Variants in KCNN2 observed in about 807,000 individuals in gnomAD.
The protein encoded by KCNN2 is potassium calcium-activated channel subfamily N member 2.
A neutral mutation model predicts 55.5 loss-of-function variants in KCNN2; 24 were observed. The observed-to-expected ratio is 0.43, with a 90% CI of 0.31 to 0.61. KCNN2 has a LOEUF of 0.61. KCNN2 is among the 20% of genes least tolerant of loss of function. The pLI is 0.08. For missense variants in KCNN2, 754 were observed against 853.6 expected (o/e 0.88, Z 1.45); for synonymous variants, 431 against 336.1 (o/e 1.28, Z -3.09).
At chr5:114,064,657 G>T (rs1033453394) in intron 1 of KCNN2, among the ~76,000 whole-genome samples, 2 of 152,166 alleles carry the variant, frequency 1.3e-5, no homozygotes. Context: ...GCTTTGGGTA[G>T]CATGTTATGG....
chr5:114,130,066 A>G (rs1190401949), intron 1 of KCNN2, among the ~76,000 whole-genome samples: 1 of 152,224 alleles, frequency 6.6e-6, no homozygotes, highest in Non-Finnish European at 1.5e-5. Context: ...CCTATGGAAC[A>G]TCACCTTCCT....
intron 2 of KCNN2, among the ~76,000 whole-genome samples, chr5:114,283,307 C>A (rs1755661639): frequency 6.6e-6 from 1 of 152,056 alleles, no homozygotes. Context: ...TTAATTTTCT[C>A]TTGACCGGTG....
chr5:114,072,834 A>G (rs188561024), intron 1 of KCNN2, among the ~76,000 whole-genome samples: 1 of 152,346 alleles, frequency 6.6e-6, no homozygotes, highest in Non-Finnish European at 1.5e-5. Context: ...TAAGGTAGCT[A>G]TGAATATTAA....
chr5:114,373,653 T>TAC (rs1757839495), intron 2 of KCNN2, among the ~76,000 whole-genome samples: 2 of 114,712 alleles, frequency 1.7e-5, no homozygotes, highest in Non-Finnish European at 3.7e-5. Context: ...TATATATATA[T>TAC]ATATAAAATT....
intron 1 of KCNN2, among the ~76,000 whole-genome samples, chr5:114,151,876 G>A (rs1162474155): frequency 1.3e-5 from 2 of 152,172 alleles, no homozygotes; most frequent in African/African-American, 4.8e-5. Context: ...AATAGGAAAT[G>A]AAAATATGAA....
At chr5:114,110,265 A>G (rs1751570840) in intron 1 of KCNN2, among the ~76,000 whole-genome samples, 1 of 152,030 alleles carries the variant, frequency 6.6e-6, no homozygotes, top group Non-Finnish European at 1.5e-5. Context: ...TAGCAATATA[A>G]AGAAATGGGT....
chr5:114,276,562 T>C (rs544860958), intron 2 of KCNN2, among the ~76,000 whole-genome samples: 1 of 152,278 alleles, frequency 6.6e-6, no homozygotes, highest in East Asian at 1.9e-4. Flanking sequence ...TTTGTTGAAT[T>C]GATCCCTTTA....
At chr5:114,083,595 T>A (rs1313323928) in intron 1 of KCNN2, among the ~76,000 whole-genome samples, 1 of 152,130 alleles carries the variant, frequency 6.6e-6, no homozygotes, top group Non-Finnish European at 1.5e-5. Flanking sequence ...GGAGTTCCCA[T>A]GTACCTCGTC....
intron 1 of KCNN2, among the ~76,000 whole-genome samples, chr5:114,215,638 A>G (rs1376878947): frequency 6.6e-6 from 1 of 152,160 alleles, no homozygotes; most frequent in Admixed American, 6.6e-5. Flanking sequence ...CTCTCTGCAC[A>G]TCGAAATTTT....
chr5:114,260,916 T>C (rs1042118696), intron 2 of KCNN2, among the ~76,000 whole-genome samples: 6 of 152,150 alleles, frequency 3.9e-5, no homozygotes, highest in African/African-American at 1.4e-4. Context: ...CCAGGTGAGA[T>C]TGGGGAGCAG....
At chr5:114,334,736 A>G (rs1201671488) in intron 2 of KCNN2, among the ~76,000 whole-genome samples, 1 of 152,162 alleles carries the variant, frequency 6.6e-6, no homozygotes, top group African/African-American at 2.4e-5. Context: ...TACTAATACT[A>G]TGTATTTAAT....
chr5:114,244,313 TAAAA>T (rs1247710907), intron 2 of KCNN2, among the ~76,000 whole-genome samples: 2 of 137,534 alleles, frequency 1.5e-5, no homozygotes, highest in South Asian at 5.1e-4. Context: ...CTTGTTTATT[TAAAA>T]AAAAAGAGGC....
At chr5:114,463,216 C>G (rs1467970202) in intron 4 of KCNN2, 26 bp downstream of exon 4, 7 of 1,588,702 alleles carry the variant, frequency 4.4e-6, no homozygotes, top group Non-Finnish European at 6.0e-6. Flanking sequence ...CTTCACATCT[C>G]TTTTATTTAC....
chr5:114,310,040 T>C (rs1756365001), intron 2 of KCNN2, among the ~76,000 whole-genome samples: 1 of 152,214 alleles, frequency 6.6e-6, no homozygotes, highest in South Asian at 2.1e-4. Context: ...TTAAAACTTT[T>C]TGTGCCTCTT....
chr5:114,269,674 AGG>A, intron 2 of KCNN2, among the ~76,000 whole-genome samples: 1 of 152,268 alleles, frequency 6.6e-6, no homozygotes, highest in East Asian at 1.9e-4. Context: ...TGAACTCCAG[AGG>A]TAGGATCCGG....
At chr5:114,249,719 C>T (rs184959230) in intron 2 of KCNN2, among the ~76,000 whole-genome samples, 5 of 139,252 alleles carry the variant, frequency 3.6e-5, no homozygotes, top group African/African-American at 5.4e-5. Flanking sequence ...CTAAACAGTT[C>T]GGAATTAAAA....
At chr5:114,467,747 A>G (rs17136649) in intron 4 of KCNN2, among the ~76,000 whole-genome samples, 7,079 of 152,212 alleles carry the variant, frequency 0.047, 210 homozygotes, top group South Asian at 0.078. Context: ...ACAGGAAAGT[A>G]TAGGTGGAAG....
intron 5 of KCNN2, among the ~76,000 whole-genome samples, chr5:114,478,481 TATC>T (rs1264356789): frequency 6.6e-6 from 1 of 151,770 alleles, no homozygotes; most frequent in Non-Finnish European, 1.5e-5. Flanking sequence ...TACTTCCGGA[TATC>T]ATCCAGGAGA....
At chr5:114,353,542 C>T (rs1473601241) in intron 2 of KCNN2, among the ~76,000 whole-genome samples, 1 of 151,774 alleles carries the variant, frequency 6.6e-6, no homozygotes, top group Admixed American at 6.6e-5. Context: ...ACCACTGGCG[C>T]TCTTTTTCTG....
Sources: allele counts gnomAD v4.1 joint callset (sites outside exome capture counted in the v4.1 genomes callset), GRCh38; gene constraint gnomAD v4.1.1; transcripts MANE v1.5; gene names NCBI Gene and HGNC (gene_info 2026-07-23, HGNC 2026-07-21).